The following ADAM9 variants were observed in gnomAD, a reference collection of about 807,000 sequenced individuals.
The protein encoded by ADAM9 is ADAM metallopeptidase domain 9.
A neutral mutation model predicts 108.1 loss-of-function variants in ADAM9; 54 were observed. That is an observed-to-expected ratio of 0.50 (90% CI 0.40 to 0.63). The LOEUF is 0.63. Among genes scored for constraint, ADAM9 ranks in the 20% least tolerant of loss-of-function variants. The pLI is 0.00. For missense variants in ADAM9, 830 were observed against 997.7 expected, an observed-to-expected ratio of 0.83 and a Z score of 2.26; for synonymous variants, 316 against 336.0, an observed-to-expected ratio of 0.94 and a Z score of 0.65.
At chr8:39,055,799 T>C (rs1838103643) in intron 14 of ADAM9, 27 bp downstream of exon 14, 1 of 1,589,176 alleles carries the variant, frequency 6.3e-7, no homozygotes, top group Non-Finnish European at 8.6e-7. Flanking sequence ...TATAATTGAT[T>C]GCTTCGATAT....
intron 11 of ADAM9, among the ~76,000 whole-genome samples, chr8:39,040,118 C>T (rs368559683): frequency 1.1e-4 from 16 of 152,104 alleles, no homozygotes; most frequent in African/African-American, 3.4e-4. Context: ...GGTGCAATCT[C>T]GGCTCACTAC....
At chr8:39,086,913 C>A (rs1839196088) in intron 18 of ADAM9, among the ~76,000 whole-genome samples, 1 of 152,224 alleles carries the variant, frequency 6.6e-6, no homozygotes, top group Non-Finnish European at 1.5e-5. Flanking sequence ...AGATTTCCCA[C>A]TGAATTATAG....
At chr8:39,096,028 T>G (rs1443075338) in intron 20 of ADAM9, among the ~76,000 whole-genome samples, 1 of 152,000 alleles carries the variant, frequency 6.6e-6, no homozygotes, top group Non-Finnish European at 1.5e-5. Context: ...TATTTTGTTT[T>G]TGACCCTTCC....
intron 1 of ADAM9, among the ~76,000 whole-genome samples, chr8:39,005,917 G>T (rs185908729): frequency 6.6e-6 from 1 of 152,304 alleles, no homozygotes; most frequent in Admixed American, 6.5e-5. Flanking sequence ...GTTCCATAAG[G>T]AATCTCACCT....
At chr8:39,050,953 C>T (rs917145870) in intron 12 of ADAM9, among the ~76,000 whole-genome samples, 1 of 148,962 alleles carries the variant, frequency 6.7e-6, no homozygotes, top group Non-Finnish European at 1.5e-5. Context: ...GGGTCTAGCA[C>T]ATACCAGCTC....
At position 39,026,691 on chromosome 8, in the gene ADAM9, TG is replaced by T; in HGVS notation, c.1012del (p.Val338TrpfsTer18). 6.2e-7 allele frequency: 1 copy of T among 1,614,228 alleles called. No homozygotes were observed. The highest frequency in any genetic ancestry group is 8.5e-7 in the Non-Finnish European group (1 of 1,180,026). On this transcript the variant is annotated frameshift_variant, in exon 11 of 22. Coordinates refer to ENST00000487273, the MANE Select transcript of ADAM9 (RefSeq NM_003816.3). LOFTEE classifies it high-confidence loss of function. ...GTTCTGAACAGTTTGGACAAATCAC[TG>T]TGGAGACATTTGCTTCCATTGTTGC... The part of the protein sequence containing the change: ...GGINVFGQIT[V>X]ETFASIVAHE...
At chr8:39,019,041 T>A in intron 7 of ADAM9, 123 bp downstream of exon 7, 1 of 1,022,692 alleles carries the variant, frequency 9.8e-7, no homozygotes, top group Non-Finnish European at 1.5e-6. Context: ...ATTTTAAAAC[T>A]AAAATGGTTT....
Position 39,023,110 on chromosome 8 carries a change from C to G in ADAM9, c.745-46C>G, listed in dbSNP as rs753908703. The stretch of plus-strand genomic sequence containing the variant: ...CTTCATGTGGTTAAAAGATTTTTCT[C>G]ACGTTCTTTACTATATTTTATATAC... On this transcript the variant is annotated intron_variant, in intron 8 of 21. Transcript: ENST00000487273. The G allele has an allele frequency of 2.6e-6, 4 of 1,526,800 alleles. No homozygotes were observed. In the South Asian group the frequency reaches 4.7e-5, roughly 18 times the overall value. 94.6% of individuals were successfully genotyped at this position (1,526,800 alleles called of 1,614,324 possible). A position where few individuals can be genotyped will look rare whatever the true frequency, so the allele number is the denominator to read the frequency against.
At chr8:39,071,224 T>A in intron 14 of ADAM9, 74 bp from the exon 15 acceptor site, 2 of 1,403,190 alleles carry the variant, frequency 1.4e-6, no homozygotes, top group Non-Finnish European at 2.0e-6. Context: ...TAGACTGTTG[T>A]AGGGAATACT....
chr8:39,039,020 A>G (rs1837371657), intron 11 of ADAM9, among the ~76,000 whole-genome samples: 2 of 152,124 alleles, frequency 1.3e-5, no homozygotes, highest in South Asian at 4.1e-4. Context: ...CTGCATTCCA[A>G]TCCAAGAGGC....
At chr8:39,025,668 A>C (rs1836897512) in intron 9 of ADAM9, 135 bp from the exon 10 acceptor site, 5 of 755,640 alleles carry the variant, frequency 6.6e-6, no homozygotes, top group Non-Finnish European at 8.8e-6. Flanking sequence ...TTCTGATTTT[A>C]GAATTTTTTT....
rs1491422728 is a variant in ADAM9, at chr8:39,045,299, T to TACAC, written c.1302+3183_1302+3184insCACA. Among the ~76,000 whole-genome samples the TACAC allele has an allele frequency of 3.9e-3, 409 of 106,024 alleles. 99 individuals are homozygous for TACAC. The highest frequency in any genetic ancestry group is 0.014 in the Middle Eastern group (3 of 208). The allele number at this position is 106,024 out of a possible 152,430, so 69.6% of individuals were successfully genotyped here. A position where few individuals can be genotyped will look rare whatever the true frequency, so the allele number is the denominator to read the frequency against. ...ACATATGTATATGTGTGTGTACACC[T>TACAC]ATACATGTGTGTGTACACCTATACA... On this transcript the variant is annotated intron_variant, in intron 12 of 21. Coordinates refer to ENST00000487273, the MANE Select transcript of ADAM9 (RefSeq NM_003816.3).
chr8:38,997,582 C>T (rs1345151294), intron 1 of ADAM9, among the ~76,000 whole-genome samples: 1 of 152,162 alleles, frequency 6.6e-6, no homozygotes, highest in Non-Finnish European at 1.5e-5. Context: ...GGCTCTCGCT[C>T]GTGGAGTTAA....
At chr8:39,021,585 T>C (rs1399414371) in intron 7 of ADAM9, 58 bp from the exon 8 acceptor site, 1 of 1,509,118 alleles carries the variant, frequency 6.6e-7, no homozygotes, top group African/African-American at 1.4e-5. Context: ...CACCCGGCCT[T>C]ACATTTCTAT....
chr8:39,092,397 CA>C lies in ADAM9; in HGVS notation c.2298+1056del, dbSNP rs376447187. On this transcript the variant is annotated intron_variant, in intron 20 of 21. Coordinates refer to ENST00000487273, the MANE Select transcript of ADAM9 (RefSeq NM_003816.3). Reference sequence around the variant, plus strand: ...CCCCTTTATCTTTATAAAAAGGAGACAAAAATCGTTAGGCCCTTTCTCCTCT... The same window carrying C: ...CCCCTTTATCTTTATAAAAAGGAGACAAAATCGTTAGGCCCTTTCTCCTCT... Among the ~76,000 whole-genome samples, 75 of 151,568 alleles carry C rather than the reference CA, an allele frequency of 4.9e-4. No individual in the cohort carries two copies. The South Asian group carries it at 0.013, about 26-fold the overall frequency.
chr8:39,007,767 G>T, intron 1 of ADAM9, 119 bp from the exon 2 acceptor site: 1 of 712,484 alleles, frequency 1.4e-6, no homozygotes. Flanking sequence ...TATGCATATT[G>T]TAATATGGGA....
intron 14 of ADAM9, among the ~76,000 whole-genome samples, chr8:39,070,222 CT>C (rs1838639634): frequency 6.8e-6 from 1 of 147,622 alleles, no homozygotes; most frequent in South Asian, 2.2e-4. Flanking sequence ...ATTGTGAATA[CT>C]TTTCCATGTT....
chr8:39,086,727 A>G (rs907167718), intron 18 of ADAM9, among the ~76,000 whole-genome samples: 6 of 152,062 alleles, frequency 3.9e-5, no homozygotes, highest in African/African-American at 1.2e-4. Context: ...TTGGATTTCT[A>G]TTGATGAGGT....
chr8:39,038,225 G>A (rs1837346645), intron 11 of ADAM9, among the ~76,000 whole-genome samples: 1 of 151,996 alleles, frequency 6.6e-6, no homozygotes, highest in Non-Finnish European at 1.5e-5. Context: ...ACTTTTCATG[G>A]TCTTCCCCTT....
Sources: gnomAD v4.1 joint callset for allele counts (sites outside exome capture counted in the v4.1 genomes callset) on GRCh38, gnomAD v4.1.1 for gene constraint, MANE v1.5 for transcripts, NCBI Gene and HGNC (gene_info 2026-07-23, HGNC 2026-07-21) for gene names.